PCDH15: variants seen among roughly 807,000 people sequenced by gnomAD.
The protein encoded by PCDH15 is protocadherin-15.
Under a neutral mutation model 178.5 loss-of-function variants are expected in PCDH15, and 129 were observed. That is an observed-to-expected ratio of 0.72 (90% CI 0.63 to 0.84). The LOEUF (loss-of-function observed/expected upper bound fraction) is 0.84. Ranked by LOEUF, PCDH15 falls within the 40% of genes least tolerant of loss-of-function variation. PCDH15 has a pLI of 0.00. For missense variants in PCDH15, 2,230 were observed against 2,099.9 expected (o/e 1.06, Z -1.21); for synonymous variants, 800 against 732.0 (o/e 1.09, Z -1.50).
At position 55,402,150 on chromosome 10, in the gene PCDH15, TA is replaced by T. The variant is rs201476858; in HGVS notation, c.-156+225474del. Among the ~76,000 whole-genome samples the T allele has an allele frequency of 6.6e-3, 1,003 of 151,198 alleles. 10 individuals are homozygous for T. The highest frequency in any genetic ancestry group is 0.023 in the African/African-American group (966 of 41,504). ...AGGAAAAGATTCTTAATTTGCAAAA[TA>T]AGCCCATTTTGTTAGTCAATGACTT... is the stretch of plus-strand genomic sequence containing the variant. On this transcript the variant is annotated intron_variant, in intron 2 of 5. Transcript: ENST00000613346.
chr10:54,909,572 T>G (rs1954784709), intron 2 of PCDH15, among the ~76,000 whole-genome samples: 1 of 152,126 alleles, frequency 6.6e-6, no homozygotes, highest in Admixed American at 6.5e-5. Flanking sequence ...CAGTCACTTC[T>G]GAGCCTGCGG....
At chr10:54,166,596 C>A (rs1458627579) in intron 13 of PCDH15, among the ~76,000 whole-genome samples, 2 of 152,092 alleles carry the variant, frequency 1.3e-5, no homozygotes, top group African/African-American at 4.8e-5. Flanking sequence ...GTTTTTTCCC[C>A]TAAGATCTCC....
chr10:55,218,785 G>A (rs1840784344), intron 1 of PCDH15, among the ~76,000 whole-genome samples: 1 of 152,020 alleles, frequency 6.6e-6, no homozygotes, highest in Admixed American at 6.6e-5. Flanking sequence ...ATGAGGGGGA[G>A]CTAAGAGATA....
chr10:53,825,030 G>A, intron 32 of PCDH15: 2 of 1,301,414 alleles, frequency 1.5e-6, no homozygotes, highest in Non-Finnish European at 9.9e-7. Context: ...GTGAGTCTGT[G>A]GCAAAAGATG....
intron 3 of PCDH15, among the ~76,000 whole-genome samples, chr10:54,429,340 A>C (rs992945478): frequency 6.6e-6 from 1 of 152,148 alleles, no homozygotes; most frequent in East Asian, 1.9e-4. Flanking sequence ...CAGCAGATAC[A>C]CAAAAAAAGG....
chr10:54,078,961 A>G (rs1163898486), intron 17 of PCDH15, among the ~76,000 whole-genome samples: 1 of 152,142 alleles, frequency 6.6e-6, no homozygotes, highest in African/African-American at 2.4e-5. Flanking sequence ...CCTGACCCTT[A>G]AAAAAATGAC....
At chr10:54,616,932 G>A (rs2134344324) in intron 2 of PCDH15, among the ~76,000 whole-genome samples, 1 of 152,050 alleles carries the variant, frequency 6.6e-6, no homozygotes, top group Admixed American at 6.6e-5. Flanking sequence ...CCAAATACTT[G>A]TTTAAATTCA....
At chr10:55,430,313 G>A (rs1223472361) in intron 2 of PCDH15, among the ~76,000 whole-genome samples, 1 of 151,974 alleles carries the variant, frequency 6.6e-6, no homozygotes, top group Non-Finnish European at 1.5e-5. Flanking sequence ...ATAGTTGAAA[G>A]TGAGAGGAAT....
chr10:55,528,234 A>AT (rs1200116758), intron 2 of PCDH15, among the ~76,000 whole-genome samples: 1 of 151,380 alleles, frequency 6.6e-6, no homozygotes, highest in Non-Finnish European at 1.5e-5. Flanking sequence ...TTATTTATTT[A>AT]TTTTTATTAT....
At chr10:54,264,963 C>T (rs1325197641) in intron 8 of PCDH15, among the ~76,000 whole-genome samples, 1 of 151,986 alleles carries the variant, frequency 6.6e-6, no homozygotes, top group Non-Finnish European at 1.5e-5. Flanking sequence ...AGTCATTAGA[C>T]TATCCAAGGT....
intron 19 of PCDH15, among the ~76,000 whole-genome samples, chr10:54,022,357 T>C (rs901606335): frequency 6.6e-6 from 1 of 152,168 alleles, no homozygotes; most frequent in Non-Finnish European, 1.5e-5. Flanking sequence ...TACAGAATAA[T>C]GGGTATAAAC....
chr10:55,165,459 G>C (rs190681935), intron 2 of PCDH15, among the ~76,000 whole-genome samples: 382 of 151,822 alleles, frequency 2.5e-3, no homozygotes, highest in African/African-American at 8.4e-3. Context: ...TACTAAAAGA[G>C]AATGTTATTT....
intron 1 of PCDH15, among the ~76,000 whole-genome samples, chr10:54,730,402 T>G (rs1421345954): frequency 6.6e-6 from 1 of 151,364 alleles, no homozygotes; most frequent in East Asian, 1.9e-4. Flanking sequence ...TACCTGAGGG[T>G]AGAGGGTGGG....
chr10:55,483,866 C>A (rs1840239370), intron 2 of PCDH15, among the ~76,000 whole-genome samples: 1 of 149,850 alleles, frequency 6.7e-6, no homozygotes, highest in South Asian at 2.1e-4. Flanking sequence ...ATGATCACTG[C>A]AGAACTATTC....
intron 1 of PCDH15, among the ~76,000 whole-genome samples, chr10:55,219,885 C>A (rs1404546034): frequency 6.7e-6 from 1 of 149,500 alleles, no homozygotes; most frequent in Non-Finnish European, 1.5e-5. Flanking sequence ...ATCAGTCACA[C>A]ACACACACAC....
At chr10:55,394,142 A>G (rs1206361130) in intron 2 of PCDH15, among the ~76,000 whole-genome samples, 1 of 152,028 alleles carries the variant, frequency 6.6e-6, no homozygotes, top group African/African-American at 2.4e-5. Context: ...GCATATCACC[A>G]ACAAAGCCCT....
intron 23 of PCDH15, among the ~76,000 whole-genome samples, chr10:53,946,911 G>A (rs2086622190): frequency 1.3e-5 from 2 of 151,832 alleles, no homozygotes; most frequent in South Asian, 4.1e-4. Flanking sequence ...TGAGTAGCTG[G>A]GATTACAGGC....
chr10:53,996,142 GA>G (rs1475054494), intron 20 of PCDH15, among the ~76,000 whole-genome samples: 2 of 151,962 alleles, frequency 1.3e-5, no homozygotes, highest in Non-Finnish European at 2.9e-5. Flanking sequence ...AGGCGTAAAA[GA>G]TTTTTTTTAA....
At chr10:55,538,454 TTTCC>T (rs1189963858) in intron 2 of PCDH15, among the ~76,000 whole-genome samples, 1 of 86,234 alleles carries the variant, frequency 1.2e-5, no homozygotes, top group Admixed American at 1.2e-4. Flanking sequence ...TCCTTCCTTC[TTTCC>T]TTCCTTCCTC....
Sources: gnomAD v4.1 joint callset for allele counts (sites outside exome capture counted in the v4.1 genomes callset) on GRCh38, gnomAD v4.1.1 for gene constraint, MANE v1.5 for transcripts, NCBI Gene and HGNC (gene_info 2026-07-23, HGNC 2026-07-21) for gene names.